Variants in SLC22A3 observed in about 807,000 individuals in gnomAD.
SLC22A3 encodes the protein solute carrier family 22 member 3, also known as EMT organic cation transporter 3.
In SLC22A3, 51 loss-of-function variants were observed where a neutral mutation model predicts 59.1. That is an observed-to-expected ratio of 0.86 (90% CI 0.69 to 1.09). The LOEUF (loss-of-function observed/expected upper bound fraction) is 1.09. Ranked by LOEUF, SLC22A3 falls within the 50% of genes least tolerant of loss-of-function variation. The probability of loss-of-function intolerance (pLI) is 0.00; values close to 1 mark genes in which losing one functional copy is unlikely to be tolerated. For missense variants in SLC22A3, 711 were observed against 726.3 expected (o/e 0.98, Z 0.24); for synonymous variants, 325 against 292.0 (o/e 1.11, Z -1.15).
intron 1 of SLC22A3, among the ~76,000 whole-genome samples, chr6:160,396,721 A>G (rs1418505916): frequency 6.6e-6 from 1 of 152,194 alleles, no homozygotes; most frequent in African/African-American, 2.4e-5. Flanking sequence ...CTTCTGCATA[A>G]TAATTATTTC....
At position 160,389,318 on chromosome 6, in the gene SLC22A3, G is replaced by A. The variant is rs388263; in HGVS notation, c.430-8661G>A. 5.2e-3 allele frequency among the ~76,000 whole-genome samples: 798 copies of A among 152,146 alleles called. 12 individuals carry two copies. The East Asian group carries it at 0.063, about 12-fold the overall frequency. ...CAACTGACTGATCCAATCAATGAACGAGTGTTTATGGAGAGTCTACCAAGT... is the reference window on the plus strand; with the variant it reads ...CAACTGACTGATCCAATCAATGAACAAGTGTTTATGGAGAGTCTACCAAGT... On this transcript the variant is annotated intron_variant, in intron 1 of 10. Transcript: ENST00000275300.
At chr6:160,365,300 A>G (rs1785167514) in intron 1 of SLC22A3, among the ~76,000 whole-genome samples, 1 of 152,170 alleles carries the variant, frequency 6.6e-6, no homozygotes, top group Non-Finnish European at 1.5e-5. Flanking sequence ...TGACTCACCC[A>G]AGTTAAGATG....
chr6:160,375,883 C>T (rs931488527), intron 1 of SLC22A3, among the ~76,000 whole-genome samples: 3 of 152,046 alleles, frequency 2.0e-5, no homozygotes, highest in African/African-American at 7.3e-5. Context: ...TAGGCTTCCA[C>T]CTGCTAACTA....
chr6:160,374,802 G>A (rs974075274), intron 1 of SLC22A3, among the ~76,000 whole-genome samples: 1 of 152,172 alleles, frequency 6.6e-6, no homozygotes, highest in Non-Finnish European at 1.5e-5. Context: ...GCAGTGGGAG[G>A]GCAGGGCGTT....
At chr6:160,397,145 G>A (rs1270441587) in intron 1 of SLC22A3, among the ~76,000 whole-genome samples, 2 of 152,140 alleles carry the variant, frequency 1.3e-5, no homozygotes, top group Non-Finnish European at 1.5e-5. Flanking sequence ...GAGGGAGTGG[G>A]GGCTGTTCGG....
intron 1 of SLC22A3, among the ~76,000 whole-genome samples, chr6:160,366,317 C>T (rs1335396699): frequency 6.6e-6 from 1 of 152,176 alleles, no homozygotes; most frequent in Non-Finnish European, 1.5e-5. Context: ...TGGGTAAATA[C>T]AGCCATTCCA....
In SLC22A3 at chr6:160,408,776, C is replaced by G; in HGVS notation, c.712C>G (p.Gln238Glu). ...AGTGACAGAAATAGTAGGTTCGAAA[C>G]AAAGGAGGATTGTGGGAATCGTGAT... The part of the protein sequence containing the change: ...VIVTEIVGSK[Q>E]RRIVGIVIQM... Residue 238 changes from glutamine (Q) to glutamate (E), a missense_variant, in exon 4 of 11, where the codon CAA (glutamine) becomes GAA (glutamate). Physicochemically the swap from Gln to Glu is conservative, Grantham distance 29 (BLOSUM62 2). Coordinates refer to ENST00000275300, the MANE Select transcript of SLC22A3 (RefSeq NM_021977.4). 1 of 1,613,612 alleles carries G rather than the reference C, an allele frequency of 6.2e-7. No homozygotes were observed.
intron 5 of SLC22A3, among the ~76,000 whole-genome samples, chr6:160,414,140 A>T (rs908237590): frequency 7.9e-5 from 12 of 152,242 alleles, no homozygotes; most frequent in African/African-American, 2.9e-4. Flanking sequence ...AGACTACTTC[A>T]TAAGTGGCTT....
chr6:160,364,322 T>A (rs974259572), intron 1 of SLC22A3, among the ~76,000 whole-genome samples: 1 of 152,220 alleles, frequency 6.6e-6, no homozygotes, highest in Non-Finnish European at 1.5e-5. Context: ...TCAATACTGC[T>A]GCTTACGCTT....
At chr6:160,360,061 G>T in intron 1 of SLC22A3, among the ~76,000 whole-genome samples, 1 of 152,052 alleles carries the variant, frequency 6.6e-6, no homozygotes, top group East Asian at 1.9e-4. Flanking sequence ...ATTCTTATTT[G>T]ATAGCATGCT....
intron 1 of SLC22A3, among the ~76,000 whole-genome samples, chr6:160,381,998 TG>T (rs1405163846): frequency 6.6e-6 from 1 of 152,244 alleles, no homozygotes; most frequent in African/African-American, 2.4e-5. Context: ...AGAATTATTT[TG>T]TAGTCTGAAA....
chr6:160,353,354 T>C (rs111342803), intron 1 of SLC22A3, among the ~76,000 whole-genome samples: 102 of 152,330 alleles, frequency 6.7e-4, no homozygotes, highest in African/African-American at 2.2e-3. Context: ...CTGAAGTTTA[T>C]TTAGCATTTA....
chr6:160,368,909 A>T (rs114684888), intron 1 of SLC22A3, among the ~76,000 whole-genome samples: 254 of 152,276 alleles, frequency 1.7e-3, no homozygotes, highest in African/African-American at 5.8e-3. Context: ...CCAAGCTCTG[A>T]TAAAGCCAAA....
chr6:160,408,248 C>T (rs1277548318), intron 3 of SLC22A3, among the ~76,000 whole-genome samples: 1 of 152,136 alleles, frequency 6.6e-6, no homozygotes, highest in Non-Finnish European at 1.5e-5. Context: ...AAAAGTATAA[C>T]ACTGTGGAGA....
intron 1 of SLC22A3, among the ~76,000 whole-genome samples, chr6:160,359,841 A>G (rs1784956743): frequency 6.7e-6 from 1 of 149,988 alleles, no homozygotes. Flanking sequence ...TGATTTTTTT[A>G]TATGTGAAGA....
chr6:160,430,936 G>A (rs1233087920), intron 5 of SLC22A3, among the ~76,000 whole-genome samples: 4 of 152,198 alleles, frequency 2.6e-5, no homozygotes, highest in Admixed American at 2.0e-4. Flanking sequence ...CCCAGAGTGG[G>A]GGGAGGGGAC....
At chr6:160,402,656 A>G (rs1268733872) in intron 2 of SLC22A3, among the ~76,000 whole-genome samples, 1 of 151,850 alleles carries the variant, frequency 6.6e-6, no homozygotes. Context: ...GCCATAAAAC[A>G]TATATTAGCA....
intron 2 of SLC22A3, 62 bp from the exon 3 acceptor site, chr6:160,406,979 A>C (rs1053259163): frequency 6.4e-7 from 1 of 1,565,546 alleles, no homozygotes; most frequent in African/African-American, 1.4e-5. Flanking sequence ...TTTATGTTAT[A>C]TTTTCCCATT....
At chr6:160,446,139 C>A (rs887160609) in intron 9 of SLC22A3, among the ~76,000 whole-genome samples, 3 of 152,166 alleles carry the variant, frequency 2.0e-5, no homozygotes, top group African/African-American at 7.2e-5. Context: ...GGCAGGAGGG[C>A]ACGAGACCAG....
Sources: gnomAD v4.1 joint callset for allele counts (sites outside exome capture counted in the v4.1 genomes callset) on GRCh38, gnomAD v4.1.1 for gene constraint, MANE v1.5 for transcripts, NCBI Gene and HGNC (gene_info 2026-07-23, HGNC 2026-07-21) for gene names.